The following SHANK2 variants were observed in gnomAD, a reference collection of about 807,000 sequenced individuals.
SHANK2 encodes SH3 and multiple ankyrin repeat domains 2, also known as SH3 and multiple ankyrin repeat domains protein 2.
Under a neutral mutation model 133.7 loss-of-function variants are expected in SHANK2, and 43 were observed. The ratio of observed to expected loss-of-function variants is 0.32; its 90% CI spans 0.25 to 0.41. The LOEUF (loss-of-function observed/expected upper bound fraction) is 0.41. Ranked by LOEUF, SHANK2 falls within the 10% of genes least tolerant of loss-of-function variation. The probability of loss-of-function intolerance (pLI) is 1.00; values close to 1 mark genes in which losing one functional copy is unlikely to be tolerated. For synonymous variants in SHANK2, 1,017 were observed against 952.8 expected, an observed-to-expected ratio of 1.07 and a Z score of -1.24; for missense variants, 1,994 against 2,235.8, an observed-to-expected ratio of 0.89 and a Z score of 2.18.
chr11:70,645,638 A>G (rs954458663), intron 17 of SHANK2, among the ~76,000 whole-genome samples: 10 of 152,092 alleles, frequency 6.6e-5, no homozygotes, highest in Admixed American at 6.5e-5. Context: ...TGCATATGTC[A>G]CGAATTGGAG....
intron 10 of SHANK2, chr11:70,952,808 G>A (rs782204690): frequency 2.3e-5 from 10 of 426,866 alleles, no homozygotes; most frequent in East Asian, 1.5e-4. Context: ...GTCTCTGGTA[G>A]CTGCTTTCTG....
intron 17 of SHANK2, among the ~76,000 whole-genome samples, chr11:70,637,127 G>A (rs1202800530): frequency 6.6e-6 from 1 of 151,630 alleles, no homozygotes; most frequent in Admixed American, 6.6e-5. Context: ...GTGTGTGGGT[G>A]CCTGTGTGTG....
rs138969871 is a variant in SHANK2 at position 70,472,615 on chromosome 11, T to C, written c.*254A>G. The C allele has an allele frequency of 5.6e-6, 3 of 538,520 alleles. No homozygotes were observed. Among genetic ancestry groups the C allele is most frequent in the Non-Finnish European group, 1.0e-5 (3 of 298,060 alleles). The allele number at this position is 538,520 out of a possible 1,614,324, so 33.4% of individuals were successfully genotyped here. A position where few individuals can be genotyped will look rare whatever the true frequency, so the allele number is the denominator to read the frequency against. On this transcript the variant is annotated 3_prime_UTR_variant, in exon 26 of 26. Transcript: ENST00000601538. This position sits in a 1 kb window ranked among gnomAD's most constrained non-coding sequence, Gnocchi z 4.4. ...CATGCTGGGCGGCAGGCTGAGAATC[T>C]TTTTCCATGTTAGAAAAACTCCCTC...
chr11:70,669,907 C>T (rs1944763141), intron 15 of SHANK2, among the ~76,000 whole-genome samples: 6 of 152,200 alleles, frequency 3.9e-5, no homozygotes, highest in Admixed American at 3.9e-4. Context: ...CACTCACGGC[C>T]AAACAAGTTC....
chr11:70,672,005 A>T (rs1555016166), intron 15 of SHANK2, among the ~76,000 whole-genome samples: 7 of 148,112 alleles, frequency 4.7e-5, no homozygotes. Context: ...CTTAAATCAC[A>T]CTGTATCTCC....
At position 70,473,076 on chromosome 11, in the gene SHANK2, T is replaced by G. The variant is rs1555149042; in HGVS notation, c.5343A>C (p.Lys1781Asn). 1.2e-6 allele frequency: 2 copies of G among 1,613,976 alleles called. No individual in the cohort carries two copies. Among genetic ancestry groups the G allele is most frequent in the Non-Finnish European group, 1.7e-6 (2 of 1,180,008 alleles). ...CTGGTTTAGTCCACAGGTGGACAGG[T>G]TTAGTTGTAAAAGGCTTATTTGAGA... ...QPISNKPFTT[K>N]PVHLWTKPDV... Residue 1781 changes from lysine to asparagine, a missense_variant, in exon 26 of 26, where the codon AAA becomes AAC. Coordinates refer to ENST00000601538, the MANE Select transcript of SHANK2 (RefSeq NM_012309.5). The surrounding 1 kb of genome is among the most constrained non-coding windows in gnomAD (Gnocchi z 5.9).
At chr11:71,102,699 G>A (rs1408808346) in intron 6 of SHANK2, among the ~76,000 whole-genome samples, 1 of 152,204 alleles carries the variant, frequency 6.6e-6, no homozygotes, top group Non-Finnish European at 1.5e-5. Flanking sequence ...GGTCATCCAC[G>A]TCCAGCCAGG....
At chr11:70,644,663 A>T (rs575236186) in intron 17 of SHANK2, among the ~76,000 whole-genome samples, 1 of 152,208 alleles carries the variant, frequency 6.6e-6, no homozygotes, top group South Asian at 2.1e-4. Flanking sequence ...CCCAGAGACA[A>T]TGCAGATCTC....
At chr11:71,084,810 G>A (rs941255429) in intron 8 of SHANK2, among the ~76,000 whole-genome samples, 8 of 152,198 alleles carry the variant, frequency 5.3e-5, no homozygotes, top group African/African-American at 1.2e-4. Context: ...TGCTTGCTCC[G>A]TGGCCTTGGG....
At chr11:71,203,974 G>A (rs1456810755) in intron 2 of SHANK2, among the ~76,000 whole-genome samples, 1 of 152,140 alleles carries the variant, frequency 6.6e-6, no homozygotes, top group Non-Finnish European at 1.5e-5. Flanking sequence ...GGTCTCTCCT[G>A]GACTCTGCCC....
chr11:71,194,589 G>A (rs915549674), intron 2 of SHANK2, among the ~76,000 whole-genome samples: 1 of 152,214 alleles, frequency 6.6e-6, no homozygotes, highest in East Asian at 1.9e-4. Context: ...CCAAGGAAGT[G>A]GATGCTAAGT....
intron 2 of SHANK2, among the ~76,000 whole-genome samples, chr11:71,194,252 C>T (rs148866393): frequency 2.0e-5 from 3 of 152,252 alleles, no homozygotes; most frequent in Non-Finnish European, 2.9e-5. Context: ...TCTGATGGGA[C>T]CACAGTTACT....
Position 70,569,765 on chromosome 11 carries a change from C to G in SHANK2, c.2062-66834G>C, listed in dbSNP as rs1407652234. On this transcript the variant is annotated intron_variant, in intron 17 of 25. Coordinates refer to ENST00000601538, the MANE Select transcript of SHANK2 (RefSeq NM_012309.5). This position sits in a 1 kb window ranked among gnomAD's most constrained non-coding sequence, Gnocchi z 5.1. ...TACATCTACTGGGGAAGATGCTCTC[C>G]TGTCCCTGGGGGGCTGTGATGCTGG... Among the ~76,000 whole-genome samples the G allele has an allele frequency of 6.6e-6, 1 of 152,142 alleles. No individual in the cohort carries two copies. Among genetic ancestry groups the G allele is most frequent in the Non-Finnish European group, 1.5e-5 (1 of 68,032 alleles).
chr11:70,709,334 G>A (rs548420489), intron 14 of SHANK2, among the ~76,000 whole-genome samples: 4 of 152,346 alleles, frequency 2.6e-5, no homozygotes, highest in South Asian at 2.1e-4. Context: ...ACATGAACAC[G>A]GGCCCAGGAG....
intron 10 of SHANK2, among the ~76,000 whole-genome samples, chr11:70,916,072 T>C (rs7940858): frequency 7.5e-4 from 114 of 152,338 alleles, no homozygotes; most frequent in African/African-American, 2.7e-3. Context: ...ACATATTTTC[T>C]GCAGAAAAGA....
intron 11 of SHANK2, among the ~76,000 whole-genome samples, chr11:70,832,414 C>A (rs1358804618): frequency 6.6e-6 from 1 of 152,242 alleles, no homozygotes; most frequent in Non-Finnish European, 1.5e-5. Flanking sequence ...AGCAGACAGA[C>A]CACTCCTAAG....
intron 14 of SHANK2, among the ~76,000 whole-genome samples, chr11:70,772,920 A>C (rs1199853305): frequency 1.3e-5 from 2 of 152,156 alleles, no homozygotes; most frequent in East Asian, 3.8e-4. Context: ...GTATATGTAA[A>C]ACCAATACAA....
chr11:70,940,087 A>G (rs948638463), intron 10 of SHANK2, among the ~76,000 whole-genome samples: 2 of 151,140 alleles, frequency 1.3e-5, no homozygotes, highest in Admixed American at 6.6e-5. Context: ...CAGGGCTTCC[A>G]GAAGGAAGGC....
intron 17 of SHANK2, among the ~76,000 whole-genome samples, chr11:70,550,517 C>G (rs1294197351): frequency 3.3e-5 from 5 of 152,220 alleles, no homozygotes; most frequent in Admixed American, 3.3e-4. Context: ...TAGCCCACTG[C>G]TACTGCTGCT....
Sources: gnomAD v4.1 joint callset for allele counts (sites outside exome capture counted in the v4.1 genomes callset) on GRCh38, gnomAD v4.1.1 for gene constraint, Gnocchi (gnomAD v3.1) non-coding constraint, MANE v1.5 for transcripts, NCBI Gene and HGNC (gene_info 2026-07-23, HGNC 2026-07-21) for gene names.